Variants in CCDC86 observed in about 807,000 individuals in gnomAD.
The protein encoded by CCDC86 is coiled-coil domain containing 86, also known as coiled-coil domain-containing protein 86.
CCDC86 carries 28 observed loss-of-function variants against 36.7 expected under a neutral mutation model. The observed-to-expected ratio is 0.76, with a 90% confidence interval of 0.57 to 1.05. CCDC86 has a LOEUF of 1.05. CCDC86 is among the 50% of genes least tolerant of loss of function. The pLI, the probability that CCDC86 is intolerant of heterozygous loss-of-function variation, is 0.00. For synonymous variants in CCDC86, 199 were observed against 203.4 expected (o/e 0.98, Z 0.18); for missense variants, 453 against 470.2 (o/e 0.96, Z 0.34).
chr11:60,848,756 G>A (rs1375164346), intron 2 of CCDC86, among the ~76,000 whole-genome samples: 6 of 152,076 alleles, frequency 3.9e-5, no homozygotes, highest in Non-Finnish European at 5.9e-5. Flanking sequence ...AGTGCCGAAC[G>A]GGATTCAGAC....
chr11:60,848,541 CA>C (rs1337064557), intron 2 of CCDC86, among the ~76,000 whole-genome samples: 1 of 152,172 alleles, frequency 6.6e-6, no homozygotes, highest in Non-Finnish European at 1.5e-5. Flanking sequence ...TGTCCCCTGT[CA>C]CCCATCCCAG....
intron 2 of CCDC86, among the ~76,000 whole-genome samples, chr11:60,848,260 A>G (rs933599328): frequency 7.0e-6 from 1 of 142,560 alleles, no homozygotes; most frequent in Admixed American, 7.1e-5. Flanking sequence ...GGCCCAGGGG[A>G]CCATACAGTT....
chr11:60,842,927 G>A (rs774419887), intron 1 of CCDC86, 45 bp downstream of exon 1: 4 of 1,520,290 alleles, frequency 2.6e-6, no homozygotes, highest in South Asian at 1.3e-5. Context: ...TCTCTATGGT[G>A]TTGGGACCCC....
chr11:60,842,787 C>T lies in CCDC86; in HGVS notation c.663C>T (p.Ala221=). The part of the protein sequence containing the change: ...AKKRKGSSSQ[A]PASKKLNKEE... The stretch of plus-strand genomic sequence containing the variant: ...AGCGAAAAGGTTCTTCATCCCAGGC[C>T]CCAGCGTCCAAGAAGTTGAATAAAG... Residue 221 remains alanine (A), a synonymous_variant, in exon 1 of 4, where the codon GCC becomes GCT. Coordinates refer to ENST00000227520, the MANE Select transcript of CCDC86 (RefSeq NM_024098.4). 1 of 1,612,440 alleles carries T rather than the reference C, an allele frequency of 6.2e-7. No homozygotes were observed. Among genetic ancestry groups the T allele is most frequent in the Non-Finnish European group, 8.5e-7 (1 of 1,178,774 alleles).
rs182934260 is a variant in CCDC86 at position 60,848,204 on chromosome 11, C to T, written c.888+151C>T. On this transcript the variant is annotated intron_variant, in intron 2 of 3. Transcript: ENST00000227520. ...ATCTGAAGGCCGGAGGGAGGAAGGG[C>T]ACCTGGCCAGAAGCAGAAGTGCAAT... 251 of 995,132 alleles carry T rather than the reference C, an allele frequency of 2.5e-4. 1 individual carries two copies. The East Asian group carries it at 7.9e-3, about 31-fold the overall frequency. 61.6% of individuals were successfully genotyped at this position (995,132 alleles called of 1,614,324 possible).
At chr11:60,848,488 C>T (rs1165860296) in intron 2 of CCDC86, among the ~76,000 whole-genome samples, 3 of 152,172 alleles carry the variant, frequency 2.0e-5, no homozygotes, top group Non-Finnish European at 4.4e-5. Flanking sequence ...AAGCAGCCCA[C>T]ACACCAGCAA....
chr11:60,850,454 C>A lies in CCDC86; in HGVS notation c.*129C>A, dbSNP rs531936657. ...GGCTCCAGAACAGGGACCCCCACCC[C>A]GACCGGGGCTCCTCGGCCTTTGAAG... is the stretch of plus-strand genomic sequence containing the variant. On this transcript the variant is annotated 3_prime_UTR_variant, in exon 4 of 4. Coordinates refer to ENST00000227520, the MANE Select transcript of CCDC86 (RefSeq NM_024098.4). The A allele has an allele frequency of 1.6e-6, 2 of 1,262,710 alleles. No homozygotes were observed. The highest frequency in any genetic ancestry group is 1.6e-5 in the South Asian group (1 of 64,448). The allele number at this position is 1,262,710 out of a possible 1,614,324, so 78.2% of individuals were successfully genotyped here.
At chr11:60,847,776 G>T (rs1855204887) in intron 1 of CCDC86, 148 bp from the exon 2 acceptor site, 2 of 1,103,308 alleles carry the variant, frequency 1.8e-6, no homozygotes, top group Non-Finnish European at 1.3e-6. Flanking sequence ...AGTTTCTGCA[G>T]CCCTGGAAGG....
intron 1 of CCDC86, among the ~76,000 whole-genome samples, chr11:60,846,727 A>G (rs1565096085): frequency 1.3e-5 from 2 of 152,028 alleles, no homozygotes; most frequent in Non-Finnish European, 2.9e-5. Flanking sequence ...GGTGTGTGCC[A>G]CCACACCCAG....
intron 3 of CCDC86, 84 bp downstream of exon 3, chr11:60,850,098 C>G: frequency 6.2e-7 from 1 of 1,604,926 alleles, no homozygotes; most frequent in South Asian, 1.1e-5. Flanking sequence ...CATGTACCCC[C>G]ACTCTCATGC....
At chr11:60,845,703 C>T (rs1565095876) in intron 1 of CCDC86, among the ~76,000 whole-genome samples, 1 of 152,260 alleles carries the variant, frequency 6.6e-6, no homozygotes, top group Non-Finnish European at 1.5e-5. Context: ...TGTCTGCCTT[C>T]TCTGAGGAGT....
intron 1 of CCDC86, among the ~76,000 whole-genome samples, chr11:60,843,773 C>A (rs1462973565): frequency 6.6e-6 from 1 of 152,174 alleles, no homozygotes; most frequent in African/African-American, 2.4e-5. Flanking sequence ...GGATGTATGC[C>A]TGTGAGGGAC....
At chr11:60,843,440 G>GT (rs1287685572) in intron 1 of CCDC86, among the ~76,000 whole-genome samples, 1 of 152,178 alleles carries the variant, frequency 6.6e-6, no homozygotes, top group Non-Finnish European at 1.5e-5. Context: ...TATTATTCCT[G>GT]TTTTTTGTGT....
chr11:60,847,152 C>T (rs976171106), intron 1 of CCDC86, among the ~76,000 whole-genome samples: 3 of 151,154 alleles, frequency 2.0e-5, no homozygotes, highest in African/African-American at 4.9e-5. Flanking sequence ...GGCGCGATCT[C>T]GGCTCACTGC....
intron 2 of CCDC86, among the ~76,000 whole-genome samples, chr11:60,849,230 C>T (rs2134803090): frequency 6.6e-6 from 1 of 152,354 alleles, no homozygotes; most frequent in African/African-American, 2.4e-5. Flanking sequence ...CAGACTCCAT[C>T]TAGAGTCTCA....
Position 60,842,846 on chromosome 11 carries a change from A to G in CCDC86, c.722A>G (p.Lys241Arg). ...ELPVIPKGKP[K>R]SGRVWKDRSK... The stretch of plus-strand genomic sequence containing the variant: ...CCTGTAATCCCGAAGGGGAAGCCCA[A>G]ATCGGGGCGAGTGTGGAAGGACCGC... The change falls in exon 1 of 4, where the codon AAA (lysine) becomes AGA (arginine). Residue 241 changes from lysine to arginine, a missense_variant. By Grantham distance (26) the Lys-to-Arg change is conservative. Transcript: ENST00000227520. 6.3e-7 allele frequency: 1 copy of G among 1,588,780 alleles called. No homozygotes were observed. Among genetic ancestry groups the G allele is most frequent in the South Asian group, 1.1e-5 (1 of 87,926 alleles).
In CCDC86 at chr11:60,850,468, C is replaced by T; in HGVS notation, c.*143C>T. ...GACCCCCACCCCGACCGGGGCTCCT[C>T]GGCCTTTGAAGGCTTCCAGGCAGGT... On this transcript the variant is annotated 3_prime_UTR_variant, in exon 4 of 4. Transcript: ENST00000227520. The T allele has an allele frequency of 8.8e-7, 1 of 1,142,202 alleles. No individual in the cohort carries two copies. Among genetic ancestry groups the T allele is most frequent in the Non-Finnish European group, 1.2e-6 (1 of 828,598 alleles). 70.8% of individuals were successfully genotyped at this position (1,142,202 alleles called of 1,614,324 possible). A position where few individuals can be genotyped will look rare whatever the true frequency, so the allele number is the denominator to read the frequency against.
chr11:60,847,909 C>T lies in CCDC86; in HGVS notation c.759-15C>T. On this transcript the variant is annotated splice_polypyrimidine_tract_variant and intron_variant, in intron 1 of 3. Coordinates refer to ENST00000227520, the MANE Select transcript of CCDC86 (RefSeq NM_024098.4). The stretch of plus-strand genomic sequence containing the variant: ...GCCCCACAGACCCTGTATGCACCCA[C>T]TCTCCCCCTTTCAGATTCTCCCAGA... The T allele has an allele frequency of 1.2e-6, 2 of 1,606,732 alleles. No homozygotes were observed. Among genetic ancestry groups the T allele is most frequent in the East Asian group, 4.5e-5 (2 of 44,538 alleles).
At position 60,850,512 on chromosome 11, in the gene CCDC86, C is replaced by CA; in HGVS notation, c.*188dup. 2 of 665,454 alleles carry CA rather than the reference C, an allele frequency of 3.0e-6. No homozygotes were observed. The highest frequency in any genetic ancestry group is 4.8e-6 in the Non-Finnish European group (2 of 417,350). The allele number at this position is 665,454 out of a possible 1,614,324, so 41.2% of individuals were successfully genotyped here. A position where few individuals can be genotyped will look rare whatever the true frequency, so the allele number is the denominator to read the frequency against. On this transcript the variant is annotated 3_prime_UTR_variant, in exon 4 of 4. Transcript: ENST00000227520. ...GGCAGGTCTGTGTGGGACAGAAGCC[C>CA]AGAGGGGGCCTGGGACCTGGCAGAG...
Sources: gnomAD v4.1 joint callset for allele counts (sites outside exome capture counted in the v4.1 genomes callset) on GRCh38, gnomAD v4.1.1 for gene constraint, MANE v1.5 for transcripts, NCBI Gene and HGNC (gene_info 2026-07-23, HGNC 2026-07-21) for gene names.